GALNT13: variants seen among roughly 807,000 people sequenced by gnomAD.
GALNT13 encodes UDP-GalNAc:polypeptide N-acetylgalactosaminyltransferase 13.
A neutral mutation model predicts 64.2 loss-of-function variants in GALNT13; 28 were observed. That is an observed-to-expected ratio of 0.44 (90% CI 0.32 to 0.60). The LOEUF (loss-of-function observed/expected upper bound fraction) is 0.60, where lower values mean the gene tolerates loss of function less well. GALNT13 is among the 20% of genes least tolerant of loss of function. The pLI is 0.05. For missense variants in GALNT13, 577 were observed against 669.8 expected (o/e 0.86, Z 1.53); for synonymous variants, 214 against 224.6 (o/e 0.95, Z 0.42).
At chr2:154,331,817 A>G (rs886441764) in intron 9 of GALNT13, among the ~76,000 whole-genome samples, 32 of 152,130 alleles carry the variant, frequency 2.1e-4, no homozygotes, top group African/African-American at 7.2e-4. Context: ...AACCCCATAT[A>G]TCTAGCTCTT....
At position 153,980,036 on chromosome 2, in the gene GALNT13, T is replaced by C. The variant is rs192047674; in HGVS notation, c.142+35397T>C. The stretch of plus-strand genomic sequence containing the variant: ...CTTAAAAGTTAAAGACAGAATTGCA[T>C]GTTGAATTACAATTGTGATATATAT... On this transcript the variant is annotated intron_variant, in intron 3 of 12. Coordinates refer to ENST00000392825, the MANE Select transcript of GALNT13 (RefSeq NM_052917.4). 2.0e-5 allele frequency among the ~76,000 whole-genome samples: 3 copies of C among 152,288 alleles called. No homozygotes were observed. The East Asian group carries it at 5.8e-4, about 29-fold the overall frequency.
the GALNT13 span, among the ~76,000 whole-genome samples, chr2:153,477,072 G>A: frequency 5.3e-5 from 8 of 152,190 alleles, no homozygotes; most frequent in Non-Finnish European, 7.3e-5. Flanking sequence ...CTACCTGAGA[G>A]CTGAGACTAA....
chr2:153,599,844 A>T, the GALNT13 span, among the ~76,000 whole-genome samples: 3 of 151,996 alleles, frequency 2.0e-5, no homozygotes, highest in Non-Finnish European at 4.4e-5. Flanking sequence ...AATCACATGT[A>T]AATAAATTCT....
chr2:153,209,174 GT>G, the GALNT13 span, among the ~76,000 whole-genome samples: 493 of 151,742 alleles, frequency 3.2e-3, 5 homozygotes, highest in African/African-American at 0.012. Context: ...TAGAGATGTG[GT>G]TTCACCATGT....
intron 3 of GALNT13, among the ~76,000 whole-genome samples, chr2:154,029,850 T>A (rs1043176324): frequency 6.6e-6 from 1 of 152,116 alleles, no homozygotes; most frequent in African/African-American, 2.4e-5. Flanking sequence ...AGCAGGCAGC[T>A]GGAAAGCATA....
At chr2:153,992,071 G>A (rs577185576) in intron 3 of GALNT13, among the ~76,000 whole-genome samples, 1 of 152,110 alleles carries the variant, frequency 6.6e-6, no homozygotes, top group South Asian at 2.1e-4. Context: ...AACCTTTCAG[G>A]GAAATAATAA....
the GALNT13 span, among the ~76,000 whole-genome samples, chr2:153,312,463 A>G: frequency 2.0e-5 from 3 of 152,164 alleles, no homozygotes; most frequent in East Asian, 1.9e-4. Context: ...CAGAAGGGAA[A>G]TGTGTTGGCT....
intron 9 of GALNT13, among the ~76,000 whole-genome samples, chr2:154,327,695 T>G (rs920085399): frequency 2.0e-5 from 3 of 152,102 alleles, no homozygotes; most frequent in African/African-American, 7.2e-5. Flanking sequence ...TTTAAACTCT[T>G]ACACAGGAAT....
chr2:153,710,527 A>G, the GALNT13 span, among the ~76,000 whole-genome samples: 1 of 152,090 alleles, frequency 6.6e-6, no homozygotes, highest in African/African-American at 2.4e-5. Flanking sequence ...GGTGTAAGTA[A>G]TTTTCTTTCT....
At chr2:153,204,178 C>A in the GALNT13 span, among the ~76,000 whole-genome samples, 1 of 152,194 alleles carries the variant, frequency 6.6e-6, no homozygotes, top group Non-Finnish European at 1.5e-5. Context: ...AGGAAACTCC[C>A]AAATTGTCTA....
chr2:153,470,020 C>A, the GALNT13 span, among the ~76,000 whole-genome samples: 2 of 152,074 alleles, frequency 1.3e-5, no homozygotes, highest in East Asian at 1.9e-4. Context: ...TTATAAAAGT[C>A]TTTTTTCTTT....
the GALNT13 span, among the ~76,000 whole-genome samples, chr2:153,653,922 A>G: frequency 3.9e-5 from 6 of 152,210 alleles, no homozygotes; most frequent in South Asian, 2.1e-4. Context: ...GATTTTGGCA[A>G]TGATCATCAA....
the GALNT13 span, among the ~76,000 whole-genome samples, chr2:153,651,879 T>C: frequency 2.0e-5 from 3 of 152,170 alleles, no homozygotes; most frequent in Non-Finnish European, 4.4e-5. Context: ...GTTGTATCTG[T>C]TATTTTTACA....
intron 9 of GALNT13, among the ~76,000 whole-genome samples, chr2:154,386,144 A>G (rs1450680168): frequency 6.6e-6 from 1 of 152,006 alleles, no homozygotes; most frequent in Non-Finnish European, 1.5e-5. Flanking sequence ...CAGAAATTCA[A>G]TCACCAAGAC....
intron 10 of GALNT13, among the ~76,000 whole-genome samples, chr2:154,407,234 A>T (rs1350542657): frequency 1.3e-5 from 2 of 152,152 alleles, no homozygotes; most frequent in African/African-American, 4.8e-5. Flanking sequence ...ACATCTAAAA[A>T]TGAATTCGTC....
chr2:153,206,723 T>C, the GALNT13 span, among the ~76,000 whole-genome samples: 1 of 152,118 alleles, frequency 6.6e-6, no homozygotes, highest in Non-Finnish European at 1.5e-5. Context: ...GTGTTGGCTA[T>C]ATTAAAGTTT....
chr2:153,291,439 G>A, the GALNT13 span, among the ~76,000 whole-genome samples: 162 of 152,142 alleles, frequency 1.1e-3, 1 homozygote, highest in African/African-American at 3.8e-3. Context: ...ATCACATAGT[G>A]GAATACAAAA....
At chr2:153,656,469 C>T in the GALNT13 span, among the ~76,000 whole-genome samples, 2 of 151,958 alleles carry the variant, frequency 1.3e-5, no homozygotes, top group African/African-American at 4.8e-5. Flanking sequence ...AGAATAGAGA[C>T]TATTTCAACT....
At chr2:153,321,338 T>A in the GALNT13 span, among the ~76,000 whole-genome samples, 49 of 152,318 alleles carry the variant, frequency 3.2e-4, no homozygotes, top group African/African-American at 1.0e-3. Flanking sequence ...GAAATGTCCT[T>A]GATAGGTGCT....
Sources: allele counts gnomAD v4.1 joint callset (sites outside exome capture counted in the v4.1 genomes callset), GRCh38; gene constraint gnomAD v4.1.1; transcripts MANE v1.5; gene names NCBI Gene and HGNC (gene_info 2026-07-23, HGNC 2026-07-21).